Variants in HDGFL2 observed in about 807,000 individuals in gnomAD.
The protein encoded by HDGFL2 is hepatoma-derived growth factor-related protein 2.
HDGFL2 carries 36 observed loss-of-function variants against 77.1 expected under a neutral mutation model. The observed-to-expected ratio is 0.47, with a 90% CI of 0.36 to 0.62. HDGFL2 has a LOEUF of 0.62. HDGFL2 is among the 20% of genes least tolerant of loss of function. The pLI is 0.00. For synonymous variants in HDGFL2, 463 were observed against 413.1 expected, an observed-to-expected ratio of 1.12 and a Z score of -1.46; for missense variants, 976 against 973.4, an observed-to-expected ratio of 1.00 and a Z score of -0.04.
chr19:4,500,422 A>AT (rs1381809633), intron 14 of HDGFL2, among the ~76,000 whole-genome samples: 1 of 140,736 alleles, frequency 7.1e-6, no homozygotes, highest in Non-Finnish European at 1.5e-5. Context: ...AGGAGCTGGG[A>AT]TTGTAGGCCT....
intron 3 of HDGFL2, among the ~76,000 whole-genome samples, chr19:4,475,881 G>C (rs1313856855): frequency 7.3e-6 from 1 of 136,880 alleles, no homozygotes; most frequent in Non-Finnish European, 1.5e-5. Flanking sequence ...TGTAGAATCA[G>C]TCCAAGTTTC....
intron 1 of HDGFL2, chr19:4,474,967 C>A: frequency 3.2e-6 from 1 of 316,796 alleles, no homozygotes; most frequent in Non-Finnish European, 6.0e-6. Context: ...CCTGGGAGTC[C>A]ATAGACGCTG....
intron 3 of HDGFL2, among the ~76,000 whole-genome samples, chr19:4,486,091 A>G (rs1027712257): frequency 1.3e-5 from 2 of 151,008 alleles, no homozygotes; most frequent in African/African-American, 4.9e-5. Context: ...CGAAAACTCA[A>G]TCTCTCTCTG....
chr19:4,475,174 C>T (rs1204335891), intron 1 of HDGFL2, 101 bp from the exon 2 acceptor site: 14 of 953,144 alleles, frequency 1.5e-5, no homozygotes, highest in African/African-American at 8.2e-5. Context: ...TTGAAGGCTC[C>T]CCTCCTCCCA....
rs775400561 is a variant in HDGFL2, at chr19:4,502,113, G to C, written c.*103G>C. On this transcript the variant is annotated 3_prime_UTR_variant, in exon 16 of 16. Coordinates refer to ENST00000616600, the MANE Select transcript of HDGFL2 (RefSeq NM_001001520.3). The stretch of plus-strand genomic sequence containing the variant: ...AGAGAACTGTGGGGAACGCTGTGCT[G>C]TTTGTATTTGTTCCCTTGGGTTTTT... 22 of 828,730 alleles carry C rather than the reference G, an allele frequency of 2.7e-5. No individual in the cohort carries two copies. The highest frequency in any genetic ancestry group is 4.4e-5 in the Non-Finnish European group (22 of 502,968). The allele number at this position is 828,730 out of a possible 1,614,324, so 51.3% of individuals were successfully genotyped here. A position where few individuals can be genotyped will look rare whatever the true frequency, so the allele number is the denominator to read the frequency against.
chr19:4,491,266 C>CCCACCCCT (rs1975502111), intron 4 of HDGFL2, among the ~76,000 whole-genome samples: 1 of 99,546 alleles, frequency 1.0e-5, no homozygotes, highest in Non-Finnish European at 2.2e-5. Context: ...CCCCCACCCC[C>CCCACCCCT]CCACCCCCCC....
chr19:4,483,547 G>C (rs985452779), intron 3 of HDGFL2, among the ~76,000 whole-genome samples: 16 of 152,096 alleles, frequency 1.1e-4, no homozygotes, highest in Non-Finnish European at 5.9e-5. Flanking sequence ...GCCCAGCCCT[G>C]CACCGTGTAC....
At chr19:4,501,363 T>C (rs1306952501) in intron 15 of HDGFL2, 46 bp downstream of exon 15, 1 of 1,545,196 alleles carries the variant, frequency 6.5e-7, no homozygotes, top group Non-Finnish European at 8.8e-7. Context: ...GCGGCAGCGG[T>C]GTGACGCGCA....
At chr19:4,495,413 G>T (rs1314440193) in intron 9 of HDGFL2, among the ~76,000 whole-genome samples, 2 of 111,446 alleles carry the variant, frequency 1.8e-5, no homozygotes, top group Non-Finnish European at 4.2e-5. Context: ...AAAAAAATAG[G>T]CTCCGAATGA....
chr19:4,485,165 T>G (rs148152158), intron 3 of HDGFL2, among the ~76,000 whole-genome samples: 20 of 152,272 alleles, frequency 1.3e-4, no homozygotes, highest in African/African-American at 3.8e-4. Context: ...CCCCCAATTC[T>G]CTTCTCCCCT....
At chr19:4,479,449 G>A (rs1392566639) in intron 3 of HDGFL2, among the ~76,000 whole-genome samples, 3 of 151,808 alleles carry the variant, frequency 2.0e-5, no homozygotes, top group South Asian at 2.1e-4. Flanking sequence ...TTAGCCGGGC[G>A]TGGCACCTGT....
chr19:4,497,200 GT>G (rs59161002), intron 10 of HDGFL2: 13,022 of 430,728 alleles, frequency 0.03, 1,468 homozygotes, highest in African/African-American at 0.25. Context: ...TTTTGTTTTT[GT>G]TTTTTTTTGA....
chr19:4,492,506 C>G (rs1360006849), intron 6 of HDGFL2, among the ~76,000 whole-genome samples: 1 of 151,556 alleles, frequency 6.6e-6, no homozygotes, highest in African/African-American at 2.4e-5. Context: ...GTTCATGTAT[C>G]TATGTGTCTG....
chr19:4,481,105 T>C (rs1975203135), intron 3 of HDGFL2, among the ~76,000 whole-genome samples: 1 of 150,880 alleles, frequency 6.6e-6, no homozygotes, highest in Admixed American at 6.6e-5. Context: ...CACTACAAGC[T>C]CCGCCTCCTG....
At chr19:4,493,597 G>T in intron 6 of HDGFL2, 106 bp from the exon 7 acceptor site, 1 of 1,273,800 alleles carries the variant, frequency 7.9e-7, no homozygotes, top group African/African-American at 1.5e-5. Context: ...GCCGAGGCCC[G>T]CAGAGCCTGG....
At chr19:4,484,081 A>ACG in intron 3 of HDGFL2, among the ~76,000 whole-genome samples, 2 of 147,028 alleles carry the variant, frequency 1.4e-5, no homozygotes, top group South Asian at 2.1e-4. Flanking sequence ...GAGCCACTGC[A>ACG]CCCGGCCTTT....
chr19:4,497,895 G>A lies in HDGFL2; in HGVS notation c.1329-63G>A, dbSNP rs574418465. 1.4e-4 allele frequency: 206 copies of A among 1,438,250 alleles called. 1 individual carries two copies. The South Asian group carries it at 2.1e-3, about 15-fold the overall frequency. 89.1% of individuals were successfully genotyped at this position (1,438,250 alleles called of 1,614,324 possible). ...TGGGTTTGGGTCCACCCCTTCAGGC[G>A]CCAGCCCCTCAGTGGCAGAGTGCCG... On this transcript the variant is annotated intron_variant, in intron 10 of 15. Transcript: ENST00000616600.
intron 15 of HDGFL2, 95 bp from the exon 16 acceptor site, chr19:4,501,816 G>T: frequency 1.1e-6 from 1 of 894,186 alleles, no homozygotes; most frequent in Non-Finnish European, 1.6e-6. Context: ...TGCCACAACG[G>T]GGGTACACTC....
chr19:4,491,522 C>T, intron 4 of HDGFL2, 44 bp from the exon 5 acceptor site: 7 of 1,562,254 alleles, frequency 4.5e-6, no homozygotes, highest in African/African-American at 1.4e-5. Context: ...CTGCCAGGAG[C>T]CCGGCCTTCC....
Sources: allele counts gnomAD v4.1 joint callset (sites outside exome capture counted in the v4.1 genomes callset), GRCh38; gene constraint gnomAD v4.1.1; transcripts MANE v1.5; gene names NCBI Gene and HGNC (gene_info 2026-07-23, HGNC 2026-07-21).